The following UXT variants were observed in gnomAD, a reference collection of about 807,000 sequenced individuals.
The protein encoded by UXT is protein UXT.
For missense variants in UXT, 111 were observed against 132.7 expected, an observed-to-expected ratio of 0.84 and a Z score of 0.80; for synonymous variants, 54 against 52.8, an observed-to-expected ratio of 1.02 and a Z score of -0.10.
intron 4 of UXT, among the ~76,000 whole-genome samples, chrX:47,656,653 C>T (rs774802922): frequency 9.0e-6 from 1 of 111,225 alleles, no homozygotes; most frequent in East Asian, 2.8e-4. Flanking sequence ...GGGGAAAGAG[C>T]AGTGCAGGCA....
At position 47,657,604 on chromosome X, in the gene UXT, A is replaced by G. The variant is rs149023510; in HGVS notation, c.252T>C (p.Asp84=). The G allele has an allele frequency of 3.3e-5, 40 of 1,208,123 alleles. No individual in the cohort carries two copies. Among genetic ancestry groups the G allele is most frequent in the Admixed American group, 4.4e-5 (2 of 45,549 alleles). ...TGTCAACGAAGAAGTTACAGCCCAA[A>G]TCCACCTGCATATATAACTCCGAGT... Residue 84 remains aspartate, a synonymous_variant, in exon 3 of 6, where the codon GAT becomes GAC. Coordinates refer to ENST00000335890, the MANE Select transcript of UXT (RefSeq NM_153477.3).
At chrX:47,657,996 G>C (rs932381438) in intron 1 of UXT, 133 bp from the exon 3 acceptor site, 7 of 449,966 alleles carry the variant, frequency 1.6e-5, no homozygotes, top group Non-Finnish European at 2.4e-5. Flanking sequence ...TTAATTTTCG[G>C]CTCTGGGTCA....
At chrX:47,655,245 A>AC (rs1209706781) in intron 4 of UXT, among the ~76,000 whole-genome samples, 1 of 112,381 alleles carries the variant, frequency 8.9e-6, no homozygotes, top group Non-Finnish European at 1.9e-5. Flanking sequence ...GCACCACTGC[A>AC]CTCCAGCCTG....
At chrX:47,657,023 T>G in intron 4 of UXT, 160 bp downstream of exon 5, 1 of 447,030 alleles carries the variant, frequency 2.2e-6, no homozygotes, top group African/African-American at 2.4e-5. Context: ...GTGCTTATTA[T>G]GTGCTACACA....
intron 4 of UXT, among the ~76,000 whole-genome samples, chrX:47,656,227 G>C (rs887193064): frequency 6.2e-5 from 7 of 112,017 alleles, no homozygotes; most frequent in Admixed American, 9.5e-5. Flanking sequence ...TACTTGGCAG[G>C]CTGAAGCAAG....
At chrX:47,657,486 A>G in intron 3 of UXT, 86 bp downstream of exon 4, 1 of 1,000,303 alleles carries the variant, frequency 1.0e-6, no homozygotes, top group Non-Finnish European at 1.4e-6. Context: ...TGCCTGGTAC[A>G]TAGAAGATAC....
intron 4 of UXT, among the ~76,000 whole-genome samples, chrX:47,655,943 ATT>A (rs942585996): frequency 1.8e-5 from 2 of 110,299 alleles, no homozygotes; most frequent in Non-Finnish European, 3.8e-5. Flanking sequence ...ACATTATGTG[ATT>A]TTTTTTTGCA....
Position 47,659,126 on chromosome X carries a change from A to G in UXT, c.-163T>C. The G allele has an allele frequency of 3.8e-6, 3 of 794,629 alleles. No individual in the cohort carries two copies. Among genetic ancestry groups the G allele is most frequent in the Non-Finnish European group, 5.5e-6 (3 of 540,560 alleles). 65.5% of individuals were successfully genotyped at this position (794,629 alleles called of 1,213,427 possible). On this transcript the variant is annotated 5_prime_UTR_variant, in exon 1 of 6. Coordinates refer to ENST00000335890, the MANE Select transcript of UXT (RefSeq NM_153477.3). ...AGCGCGGCCTTTACCTCAGGCCGCC[A>G]GCAATAAGAACGGTTGGTAGGAACC...
rs373178335 is a variant in UXT, at chrX:47,653,621, T to C, written c.393-1477A>G. On this transcript the variant is annotated intron_variant, in intron 4 of 5. Transcript: ENST00000335890. ...TTGCAGGTAATGCTTCTGATCTCCA[T>C]GATATGCTTTCTCCATAGCACTGTC... is the stretch of plus-strand genomic sequence containing the variant. Among the ~76,000 whole-genome samples the C allele has an allele frequency of 1.1e-4, 12 of 112,439 alleles. No individual in the cohort carries two copies. In the South Asian group the frequency reaches 3.3e-3, roughly 31 times the overall value.
chrX:47,657,840 T>C lies in UXT; in HGVS notation c.158A>G (p.Lys53Arg), dbSNP rs2058088906. ...GTATTTGGCCAGCTGCTCATATACCTTGTCTCGATGGTCCAGCACCTTTCT... is the reference window on the plus strand; with the variant it reads ...GTATTTGGCCAGCTGCTCATATACCCTGTCTCGATGGTCCAGCACCTTTCT... Residue 53 changes from lysine to arginine, a missense_variant, in exon 2 of 6, where the codon AAG becomes AGG. By Grantham distance (26) the Lys-to-Arg change is conservative. Coordinates refer to ENST00000335890, the MANE Select transcript of UXT (RefSeq NM_153477.3). 4 of 1,156,065 alleles carry C rather than the reference T, an allele frequency of 3.5e-6. No homozygotes were observed. Among genetic ancestry groups the C allele is most frequent in the Non-Finnish European group, 4.6e-6 (4 of 869,502 alleles).
intron 5 of UXT, 44 bp from the exon 7 acceptor site, chrX:47,651,939 G>C: frequency 8.3e-7 from 1 of 1,199,074 alleles, no homozygotes; most frequent in East Asian, 3.0e-5. Context: ...CTGGGTCTGG[G>C]TTACGCCCCC....
At chrX:47,653,225 A>G (rs1313561719) in intron 4 of UXT, among the ~76,000 whole-genome samples, 1 of 111,780 alleles carries the variant, frequency 8.9e-6, no homozygotes, top group Non-Finnish European at 1.9e-5. Flanking sequence ...TGAGGGGTAA[A>G]TGAAACTAAA....
chrX:47,656,438 A>T (rs2058083834), intron 4 of UXT, among the ~76,000 whole-genome samples: 1 of 112,350 alleles, frequency 8.9e-6, no homozygotes, highest in Non-Finnish European at 1.9e-5. Flanking sequence ...TAAAACTTAC[A>T]TTCTAATTGG....
Position 47,658,848 on chromosome X carries a change from A to G in UXT, c.116T>C (p.Val39Ala), listed in dbSNP as rs2058093046. 1.7e-6 allele frequency: 2 copies of G among 1,148,089 alleles called. No homozygotes were observed. The highest frequency in any genetic ancestry group is 3.6e-5 in the African/African-American group (2 of 55,789). The allele number at this position is 1,148,089 out of a possible 1,213,427, so 94.6% of individuals were successfully genotyped here. Residue 39 changes from valine (V) to alanine (A), a missense_variant, in exon 1 of 6, where the codon GTG becomes GCG. By Grantham distance (64) the Val-to-Ala change is moderately conservative. Transcript: ENST00000335890. ...CACTCACCGCAAGTCCCGCTGCAGC[A>G]CGTCACTGATGAAGGTCTCGTAGCG...
At chrX:47,656,606 CGAGT>C (rs1397568877) in intron 4 of UXT, among the ~76,000 whole-genome samples, 1 of 110,994 alleles carries the variant, frequency 9.0e-6, no homozygotes, top group Non-Finnish European at 1.9e-5. Context: ...TTAAGCAAGA[CGAGT>C]GAGTGAGGAG....
chrX:47,658,456 A>T (rs2058091053), intron 1 of UXT, among the ~76,000 whole-genome samples: 1 of 112,185 alleles, frequency 8.9e-6, no homozygotes, highest in South Asian at 3.7e-4. Flanking sequence ...AAACCACTGC[A>T]TGGGGAAGGT....
At chrX:47,656,793 A>T (rs1361415055) in intron 4 of UXT, among the ~76,000 whole-genome samples, 1 of 111,778 alleles carries the variant, frequency 8.9e-6, no homozygotes, top group East Asian at 2.8e-4. Flanking sequence ...AATCATAGGT[A>T]ACTAGTTTTC....
rs2058093369 is a variant in UXT, at chrX:47,658,888, C to G, written c.76G>C (p.Gly26Arg). ...GTCTCGTAGCGCAGCACTTTCTCCC[C>G]CGTGGCCTCCACCGCCCGCCGCTTA... The change falls in exon 1 of 6, where the codon GGG becomes CGG. Residue 26 changes from glycine to arginine, a missense_variant. Transcript: ENST00000335890. 1 of 1,179,482 alleles carries G rather than the reference C, an allele frequency of 8.5e-7. No homozygotes were observed. The highest frequency in any genetic ancestry group is 1.1e-6 in the Non-Finnish European group (1 of 877,660).
chrX:47,658,606 C>T (rs1466287580), intron 1 of UXT, among the ~76,000 whole-genome samples: 1 of 112,457 alleles, frequency 8.9e-6, no homozygotes, highest in Non-Finnish European at 1.9e-5. Context: ...AAGCCTTAAT[C>T]TGTTAAACAT....
Sources: gnomAD v4.1 joint callset for allele counts (sites outside exome capture counted in the v4.1 genomes callset) on GRCh38, gnomAD v4.1.1 for gene constraint, MANE v1.5 for transcripts, NCBI Gene and HGNC (gene_info 2026-07-23, HGNC 2026-07-21) for gene names.